The following GPC5 variants were observed in gnomAD, a reference collection of about 807,000 sequenced individuals.
GPC5 encodes the protein glypican 5, also known as glypican-5.
In GPC5, 47 loss-of-function variants were observed where a neutral mutation model predicts 53.9. That is an observed-to-expected ratio of 0.87 (90% CI 0.69 to 1.11). The LOEUF is 1.11. Ranked by LOEUF, GPC5 falls within the 50% of genes most tolerant of loss-of-function variation. GPC5 has a pLI of 0.00. For missense variants in GPC5, 748 were observed against 713.1 expected, an observed-to-expected ratio of 1.05 and a Z score of -0.56; for synonymous variants, 286 against 263.3, an observed-to-expected ratio of 1.09 and a Z score of -0.84.
chr13:91,718,337 C>T (rs1166569968), intron 3 of GPC5, among the ~76,000 whole-genome samples: 2 of 151,986 alleles, frequency 1.3e-5, no homozygotes, highest in Non-Finnish European at 2.9e-5. Flanking sequence ...GTCTCAATCT[C>T]CTGACCTCGT....
At chr13:91,571,726 A>AATAT (rs112520647) in intron 2 of GPC5, among the ~76,000 whole-genome samples, 18,363 of 125,314 alleles carry the variant, frequency 0.15, 1,700 homozygotes, top group Middle Eastern at 0.2. Context: ...CTCTGTCTCA[A>AATAT]ATATATATAT....
intron 7 of GPC5, among the ~76,000 whole-genome samples, chr13:92,434,895 T>A (rs1877239846): frequency 6.6e-6 from 1 of 152,156 alleles, no homozygotes; most frequent in Admixed American, 6.6e-5. Context: ...GCTATCAATA[T>A]AACCATTAAA....
At chr13:92,583,131 A>G (rs1375935163) in intron 7 of GPC5, among the ~76,000 whole-genome samples, 1 of 152,174 alleles carries the variant, frequency 6.6e-6, no homozygotes, top group African/African-American at 2.4e-5. Flanking sequence ...CTTGTCATAT[A>G]TGACCTTTAT....
chr13:92,726,561 C>T (rs1888655106), intron 7 of GPC5, among the ~76,000 whole-genome samples: 1 of 151,444 alleles, frequency 6.6e-6, no homozygotes, highest in African/African-American at 2.4e-5. Flanking sequence ...CCAGCCTGAA[C>T]TATTTCTTAA....
rs550582918 is a variant in GPC5, at chr13:91,451,456, A to G, written c.325+2534A>G. Among the ~76,000 whole-genome samples, 76 of 152,156 alleles carry G rather than the reference A, an allele frequency of 5.0e-4. 1 individual carries two copies. Among genetic ancestry groups the G allele is most frequent in the African/African-American group, 1.7e-3 (71 of 41,524 alleles). On this transcript the variant is annotated intron_variant, in intron 2 of 7. Transcript: ENST00000377067. ...ACACTATTGTTAGATGAAGGCTGGG[A>G]GGTTAAAAATGCATGAGGGAGAGAG...
intron 6 of GPC5, among the ~76,000 whole-genome samples, chr13:92,076,476 G>A (rs1288077710): frequency 6.6e-6 from 1 of 152,010 alleles, no homozygotes; most frequent in Non-Finnish European, 1.5e-5. Flanking sequence ...CTGAATTCAT[G>A]AGCCACAGGT....
intron 5 of GPC5, 100 bp from the exon 6 acceptor site, chr13:91,907,837 T>G (rs1259232800): frequency 2.4e-6 from 3 of 1,242,754 alleles, no homozygotes; most frequent in Non-Finnish European, 3.4e-6. Context: ...TGGTGTATTC[T>G]CTAAAGGAGG....
chr13:91,485,955 TC>T (rs1294577265), intron 2 of GPC5: 12 of 152,106 alleles, frequency 7.9e-5, no homozygotes, highest in Non-Finnish European at 1.6e-4. Context: ...ATCTTAGGGG[TC>T]TTATCTCTGG....
intron 7 of GPC5, among the ~76,000 whole-genome samples, chr13:92,600,508 A>G (rs930658157): frequency 6.6e-6 from 1 of 150,818 alleles, no homozygotes; most frequent in African/African-American, 2.4e-5. Flanking sequence ...TCATTCATTT[A>G]TTCTTTAAGA....
intron 7 of GPC5, among the ~76,000 whole-genome samples, chr13:92,473,991 G>T (rs1006708713): frequency 1.3e-5 from 2 of 152,130 alleles, no homozygotes; most frequent in African/African-American, 4.8e-5. Context: ...TTGACAAAAG[G>T]CAGAGCTGAG....
chr13:92,039,398 C>A (rs2040924173), intron 6 of GPC5, among the ~76,000 whole-genome samples: 1 of 152,120 alleles, frequency 6.6e-6, no homozygotes, highest in African/African-American at 2.4e-5. Context: ...ATTCAGTAAA[C>A]CCTCTCCTCA....
intron 7 of GPC5, among the ~76,000 whole-genome samples, chr13:92,409,060 CCCTTT>C (rs993880891): frequency 6.6e-6 from 1 of 151,860 alleles, no homozygotes; most frequent in Admixed American, 6.6e-5. Context: ...TTTTAATAAA[CCCTTT>C]CCTTATACTA....
intron 2 of GPC5, among the ~76,000 whole-genome samples, chr13:91,612,904 T>C (rs566868831): frequency 2.7e-4 from 41 of 152,282 alleles, no homozygotes; most frequent in Admixed American, 2.6e-3. Context: ...GTAGGTGACC[T>C]GAATAGGGGA....
intron 7 of GPC5, among the ~76,000 whole-genome samples, chr13:92,366,909 T>C (rs1295619726): frequency 6.6e-6 from 1 of 152,236 alleles, no homozygotes; most frequent in East Asian, 1.9e-4. Flanking sequence ...ATTTTGGAAT[T>C]GACCTATTGC....
chr13:92,241,430 CT>C (rs2042610846), intron 7 of GPC5: 2 of 152,072 alleles, frequency 1.3e-5, no homozygotes, highest in Non-Finnish European at 2.9e-5. Flanking sequence ...CAATTAGAGT[CT>C]GAGATTTCAG....
At chr13:92,253,086 C>G (rs942658954) in intron 7 of GPC5, among the ~76,000 whole-genome samples, 1 of 152,030 alleles carries the variant, frequency 6.6e-6, no homozygotes, top group Non-Finnish European at 1.5e-5. Flanking sequence ...ATTGAGCCTG[C>G]TAAGATGGGG....
chr13:92,602,508 T>A (rs1186726932), intron 7 of GPC5, among the ~76,000 whole-genome samples: 3 of 151,890 alleles, frequency 2.0e-5, no homozygotes, highest in African/African-American at 7.3e-5. Flanking sequence ...ATCTGCATGA[T>A]CACTAAAGGG....
chr13:92,160,622 A>T (rs9516019), intron 7 of GPC5, among the ~76,000 whole-genome samples: 105,851 of 151,962 alleles, frequency 0.7, 37,297 homozygotes, highest in South Asian at 0.83. Flanking sequence ...TTTGGCATTG[A>T]GTCTGGTTCA....
At chr13:92,576,146 G>A (rs1446610530) in intron 7 of GPC5, among the ~76,000 whole-genome samples, 1 of 152,194 alleles carries the variant, frequency 6.6e-6, no homozygotes, top group African/African-American at 2.4e-5. Flanking sequence ...GTCAGAATAA[G>A]TATAAAATCT....
Sources: gnomAD v4.1 joint callset for allele counts (sites outside exome capture counted in the v4.1 genomes callset) on GRCh38, gnomAD v4.1.1 for gene constraint, MANE v1.5 for transcripts, NCBI Gene and HGNC (gene_info 2026-07-23, HGNC 2026-07-21) for gene names.